NFKB2: variants seen among roughly 807,000 people sequenced by gnomAD.
NFKB2 encodes the protein nuclear factor NF-kappa-B p100 subunit.
Under a neutral mutation model 109.3 loss-of-function variants are expected in NFKB2, and 21 were observed. The observed-to-expected ratio is 0.19, with a 90% CI of 0.14 to 0.28. The LOEUF is 0.28. Ranked by LOEUF, NFKB2 falls within the 10% of genes least tolerant of loss-of-function variation. The probability of loss-of-function intolerance (pLI) is 1.00; values close to 1 mark genes in which losing one functional copy is unlikely to be tolerated. For synonymous variants in NFKB2, 478 were observed against 489.9 expected, an observed-to-expected ratio of 0.98 and a Z score of 0.32; for missense variants, 806 against 1,185.3, an observed-to-expected ratio of 0.68 and a Z score of 4.70.
In NFKB2 at chr10:102,400,600, G is replaced by C. The variant is rs2135438194; in HGVS notation, c.1799-55G>C. 6.2e-7 allele frequency: 1 copy of C among 1,606,304 alleles called. No homozygotes were observed. The highest frequency in any genetic ancestry group is 8.5e-7 in the Non-Finnish European group (1 of 1,174,874). ...TGTCGAGATTGAATGGTCAGGGCTG[G>C]TCCAGGGGCTGCCTTAAGGGTCACA... On this transcript the variant is annotated intron_variant, in intron 16 of 22. Transcript: ENST00000661543. The surrounding 1 kb of genome is among the most constrained non-coding windows in gnomAD (Gnocchi z 6.3).
rs2061258192 is a variant in NFKB2, at chr10:102,401,761, T to C, written c.2310T>C (p.Leu770=). The change falls in exon 21 of 23, where the codon CTT becomes CTC. Residue 770 remains leucine (L), a synonymous_variant. Transcript: ENST00000661543. This position sits in a 1 kb window ranked among gnomAD's most constrained non-coding sequence, Gnocchi z 4.2. ...PPSPAGPGLS[L]GDTALQNLEQ... ...CCCCCTAAGGGCCGGGACTGTCACT[T>C]GGTGATACAGCTCTGCAGAACCTGG... 1.2e-6 allele frequency: 2 copies of C among 1,605,172 alleles called. No homozygotes were observed. Among genetic ancestry groups the C allele is most frequent in the South Asian group, 1.1e-5 (1 of 90,422 alleles).
rs1393565918 is a variant in NFKB2 at position 102,396,705 on chromosome 10, CT to C, written c.145-19del. On this transcript the variant is annotated intron_variant, in intron 4 of 22. Transcript: ENST00000661543. The surrounding 1 kb of genome is among the most constrained non-coding windows in gnomAD (Gnocchi z 5.9). ...GTGGTCTTCCCTGATCACAATGCTA[CT>C]ATGCCCTTGGACCTTCAGAGAGGCT... is the stretch of plus-strand genomic sequence containing the variant. 1.9e-6 allele frequency: 3 copies of C among 1,606,358 alleles called. No homozygotes were observed. The highest frequency in any genetic ancestry group is 2.6e-6 in the Non-Finnish European group (3 of 1,173,574).
In NFKB2 at chr10:102,397,694, C is replaced by G. The variant is rs750088780; in HGVS notation, c.661+9C>G. 2 of 1,597,866 alleles carry G rather than the reference C, an allele frequency of 1.3e-6. No homozygotes were observed. Among genetic ancestry groups the G allele is most frequent in the East Asian group, 2.3e-5 (1 of 44,430 alleles). On this transcript the variant is annotated intron_variant, in intron 8 of 22. Transcript: ENST00000661543. The surrounding 1 kb of genome is among the most constrained non-coding windows in gnomAD (Gnocchi z 4.7). ...GCCCATCCATGACAGCAGTGAGTATCCTGATTGCCTGGGGTGCCAGGCCTG... is the reference window on the plus strand; with the variant it reads ...GCCCATCCATGACAGCAGTGAGTATGCTGATTGCCTGGGGTGCCAGGCCTG...
Position 102,399,271 on chromosome 10 carries a change from C to A in NFKB2, c.1118-17C>A, listed in dbSNP as rs1290785796. ...ATGGCTGGTGCCCGCTTCCCACAGCCCTGCCTGTATCCACAGGTGGCAGCC... is the reference window on the plus strand; with the variant it reads ...ATGGCTGGTGCCCGCTTCCCACAGCACTGCCTGTATCCACAGGTGGCAGCC... On this transcript the variant is annotated splice_polypyrimidine_tract_variant and intron_variant, in intron 12 of 22. Coordinates refer to ENST00000661543, the MANE Select transcript of NFKB2 (RefSeq NM_001322934.2). 4 of 1,580,970 alleles carry A rather than the reference C, an allele frequency of 2.5e-6. No homozygotes were observed. The highest frequency in any genetic ancestry group is 1.2e-5 in the South Asian group (1 of 86,456).
In NFKB2 at chr10:102,398,943, G is replaced by C; in HGVS notation, c.1117+79G>C. On this transcript the variant is annotated intron_variant, in intron 12 of 22. Transcript: ENST00000661543. This position sits in a 1 kb window ranked among gnomAD's most constrained non-coding sequence, Gnocchi z 6.6. ...AAAAATCTGGGGGAGGCCGGGCGTG[G>C]TGGCTCACGCCTGTAATCCAGCCCT... 6.9e-7 allele frequency: 1 copy of C among 1,459,084 alleles called. No homozygotes were observed. The allele number at this position is 1,459,084 out of a possible 1,614,324, so 90.4% of individuals were successfully genotyped here.
Position 102,402,240 on chromosome 10 carries a change from A to G in NFKB2, c.2579-12A>G. ...CTTTGACTATCCCATTCCTGTCCCC[A>G]TTTACCCCCAGCAGAGGTGAAGGAA... is the stretch of plus-strand genomic sequence containing the variant. On this transcript the variant is annotated splice_polypyrimidine_tract_variant and intron_variant, in intron 22 of 22. Transcript: ENST00000661543. 3 of 1,551,042 alleles carry G rather than the reference A, an allele frequency of 1.9e-6. No homozygotes were observed. The highest frequency in any genetic ancestry group is 2.6e-6 in the Non-Finnish European group (3 of 1,147,074).
In NFKB2 at chr10:102,398,785, C is replaced by T. The variant is rs1344818159; in HGVS notation, c.1038C>T (p.Phe346=). ...QRKRRKALPT[F]SQPFGGGSHM... is the part of the protein sequence containing the mutation. Reference sequence around the variant, plus strand: ...AGCGGAGGAAGGCCTTGCCCACCTTCTCCCAGCCCTTCGGGGGTGGCTCCC... The same window carrying T: ...AGCGGAGGAAGGCCTTGCCCACCTTTTCCCAGCCCTTCGGGGGTGGCTCCC... Residue 346 remains phenylalanine, a synonymous_variant, in exon 12 of 23, where the codon TTC becomes TTT. Transcript: ENST00000661543. This position sits in a 1 kb window ranked among gnomAD's most constrained non-coding sequence, Gnocchi z 6.6. 1.9e-6 allele frequency: 3 copies of T among 1,612,490 alleles called. No homozygotes were observed.
At position 102,402,104 on chromosome 10, in the gene NFKB2, G is replaced by A. The variant is rs1319833549; in HGVS notation, c.2523G>A (p.Glu841=). 1 of 1,580,324 alleles carries A rather than the reference G, an allele frequency of 6.3e-7. No homozygotes were observed. The highest frequency in any genetic ancestry group is 8.6e-7 in the Non-Finnish European group (1 of 1,162,700). The stretch of plus-strand genomic sequence containing the variant: ...AGGCCCTGTCTGACATGGGCCTAGA[G>A]GAGGGAGTGAGGCTGCTGAGGGGTC... ...LLEALSDMGL[E]EGVRLLRGPE... Residue 841 remains glutamate (E), a synonymous_variant, in exon 22 of 23, where the codon GAG becomes GAA. Coordinates refer to ENST00000661543, the MANE Select transcript of NFKB2 (RefSeq NM_001322934.2).
In NFKB2 at chr10:102,398,376, A is replaced by AC. The variant is rs752568306; in HGVS notation, c.853-3dup. The AC allele has an allele frequency of 4.3e-6, 7 of 1,613,130 alleles. No homozygotes were observed. Among genetic ancestry groups the AC allele is most frequent in the Middle Eastern group, 1.7e-4 (1 of 6,060 alleles). On this transcript the variant is annotated splice_polypyrimidine_tract_variant and intron_variant, in intron 10 of 22. Transcript: ENST00000661543. The surrounding 1 kb of genome is among the most constrained non-coding windows in gnomAD (Gnocchi z 6.6). ...TCACTGACACCCTGTGTCTCCCTGCACCCCCCAGTATGCCATTGTGTTCCG... is the reference window on the plus strand; with the variant it reads ...TCACTGACACCCTGTGTCTCCCTGCACCCCCCCAGTATGCCATTGTGTTCCG...
At chr10:102,394,264 G>C (rs1041596920), upstream of NFKB2, 30 of 152,362 alleles carry the variant, frequency 2.0e-4, no homozygotes, top group African/African-American at 7.2e-4. Flanking sequence ...CCCGGCCCGG[G>C]GTGGCGCTGG....
chr10:102,400,605 G>C lies in NFKB2; in HGVS notation c.1799-50G>C. ...AGATTGAATGGTCAGGGCTGGTCCA[G>C]GGGCTGCCTTAAGGGTCACAGCTGC... On this transcript the variant is annotated intron_variant, in intron 16 of 22. Coordinates refer to ENST00000661543, the MANE Select transcript of NFKB2 (RefSeq NM_001322934.2). This position sits in a 1 kb window ranked among gnomAD's most constrained non-coding sequence, Gnocchi z 6.3. 6.2e-7 allele frequency: 1 copy of C among 1,607,128 alleles called. No individual in the cohort carries two copies. The highest frequency in any genetic ancestry group is 8.5e-7 in the Non-Finnish European group (1 of 1,175,322).
rs1241298727 is a variant in NFKB2 at position 102,400,069 on chromosome 10, C to G, written c.1470-11C>G. ...AGTGGCTGGGCCAGACTCTCGCTCCCCAACCCCCAGACCACTGCACCTAGC... is the reference window on the plus strand; with the variant it reads ...AGTGGCTGGGCCAGACTCTCGCTCCGCAACCCCCAGACCACTGCACCTAGC... On this transcript the variant is annotated splice_polypyrimidine_tract_variant and intron_variant, in intron 14 of 22. Transcript: ENST00000661543. The surrounding 1 kb of genome is among the most constrained non-coding windows in gnomAD (Gnocchi z 6.3). 6.2e-7 allele frequency: 1 copy of G among 1,613,330 alleles called. No individual in the cohort carries two copies. The highest frequency in any genetic ancestry group is 8.5e-7 in the Non-Finnish European group (1 of 1,179,542).
rs1018164583 is a variant in NFKB2, at chr10:102,397,086, G to T, written c.395+31G>T. 4 of 1,597,404 alleles carry T rather than the reference G, an allele frequency of 2.5e-6. No homozygotes were observed. The Admixed American group carries it at 5.0e-5, about 20-fold the overall frequency. On this transcript the variant is annotated intron_variant, in intron 6 of 22. Coordinates refer to ENST00000661543, the MANE Select transcript of NFKB2 (RefSeq NM_001322934.2). This position sits in a 1 kb window ranked among gnomAD's most constrained non-coding sequence, Gnocchi z 4.7. ...TGCCCTCTACGCCTGGCCCCCACTG[G>T]TATGCCCGTCTGCCAGTCCCAGGCC...
Position 102,398,898 on chromosome 10 carries a change from T to C in NFKB2, c.1117+34T>C. The C allele has an allele frequency of 6.4e-7, 1 of 1,574,374 alleles. No homozygotes were observed. The highest frequency in any genetic ancestry group is 8.6e-7 in the Non-Finnish European group (1 of 1,162,250). On this transcript the variant is annotated intron_variant, in intron 12 of 22. Coordinates refer to ENST00000661543, the MANE Select transcript of NFKB2 (RefSeq NM_001322934.2). This position sits in a 1 kb window ranked among gnomAD's most constrained non-coding sequence, Gnocchi z 6.6. ...GTACTGATGGAGGGAGGGGTAAAGG[T>C]AAGAGAAGCTGTGGAGGAAAAAAAT...
At position 102,398,976 on chromosome 10, in the gene NFKB2, G is replaced by A. The variant is rs531769655; in HGVS notation, c.1117+112G>A. 1.2e-4 allele frequency: 149 copies of A among 1,203,860 alleles called. 1 individual carries two copies. In the African/African-American group the frequency reaches 2.0e-3, roughly 16 times the overall value. 74.6% of individuals were successfully genotyped at this position (1,203,860 alleles called of 1,614,324 possible). On this transcript the variant is annotated intron_variant, in intron 12 of 22. Coordinates refer to ENST00000661543, the MANE Select transcript of NFKB2 (RefSeq NM_001322934.2). The surrounding 1 kb of genome is among the most constrained non-coding windows in gnomAD (Gnocchi z 6.6). ...CGCCTGTAATCCAGCCCTTTGGGAG[G>A]CCAAGGCAGGCAGATTACCTGAGAT... is the stretch of plus-strand genomic sequence containing the variant.
rs775379081 is a variant in NFKB2, at chr10:102,397,385, G to A, written c.479G>A (p.Arg160His). The change falls in exon 7 of 23, where the codon CGC becomes CAC. Residue 160 changes from arginine to histidine, a missense_variant. By Grantham distance (29) the Arg-to-His change is conservative. Coordinates refer to ENST00000661543, the MANE Select transcript of NFKB2 (RefSeq NM_001322934.2). The surrounding 1 kb of genome is among the most constrained non-coding windows in gnomAD (Gnocchi z 4.7). The part of the protein sequence containing the change: ...MIQKLQRQRL[R>H]SRPQGLTEAE... ...CAAAAACTTCAGAGGCAGCGGCTCC[G>A]CTCTAGGCCCCAGGGCCTTACGGGT... The A allele has an allele frequency of 1.4e-5, 23 of 1,602,168 alleles. No individual in the cohort carries two copies. The East Asian group carries it at 2.5e-4, about 17-fold the overall frequency.
Position 102,400,561 on chromosome 10 carries a change from A to C in NFKB2, c.1798+70A>C. On this transcript the variant is annotated intron_variant, in intron 16 of 22. Transcript: ENST00000661543. The surrounding 1 kb of genome is among the most constrained non-coding windows in gnomAD (Gnocchi z 6.3). ...GGGAGGGTATCTGGCCAGTGCCCAG[A>C]ATGGACTATGAGGTGTCGAGATTGA... 1.3e-6 allele frequency: 2 copies of C among 1,594,422 alleles called. No homozygotes were observed. Among genetic ancestry groups the C allele is most frequent in the Non-Finnish European group, 1.7e-6 (2 of 1,169,076 alleles).
Position 102,398,311 on chromosome 10 carries a change from G to A in NFKB2, c.852+14G>A. 1 of 1,613,970 alleles carries A rather than the reference G, an allele frequency of 6.2e-7. No individual in the cohort carries two copies. Among genetic ancestry groups the A allele is most frequent in the Non-Finnish European group, 8.5e-7 (1 of 1,179,866 alleles). On this transcript the variant is annotated intron_variant, in intron 10 of 22. Coordinates refer to ENST00000661543, the MANE Select transcript of NFKB2 (RefSeq NM_001322934.2). The surrounding 1 kb of genome is among the most constrained non-coding windows in gnomAD (Gnocchi z 6.6). ...GTGCATAAACAGGTACCCAGGGCTA[G>A]GGCCCGGGCCCGGGCTGGGGGCTAA...
chr10:102,399,065 T>C, intron 12 of NFKB2: 2 of 716,962 alleles, frequency 2.8e-6, no homozygotes, highest in South Asian at 3.8e-5. Context: ...ATACAAACAT[T>C]AGCTGGGCAT....
Sources: gnomAD v4.1 joint callset for allele counts on GRCh38, gnomAD v4.1.1 for gene constraint, Gnocchi (gnomAD v3.1) non-coding constraint, MANE v1.5 for transcripts, NCBI Gene and HGNC (gene_info 2026-07-23, HGNC 2026-07-21) for gene names.